The following BRD10 variants were observed in gnomAD, a reference collection of about 807,000 sequenced individuals.
The protein encoded by BRD10 is bromodomain containing 10.
chr9:6,005,379 C>A, the BRD10 span, among the ~76,000 whole-genome samples: 1 of 152,284 alleles, frequency 6.6e-6, no homozygotes, highest in East Asian at 1.9e-4. Context: ...GGCGCGGTGA[C>A]AACTAACCCC....
the BRD10 span, chr9:5,919,543 AACACACACACACACACACACAC>A: frequency 9.6e-4 from 383 of 396,972 alleles, 2 homozygotes; most frequent in Admixed American, 4.2e-4. Flanking sequence ...GATACATTAA[AACACACACACACACACACACAC>A]ACACACACAC....
chr9:5,968,112 G>A, the BRD10 span: 36 of 1,571,526 alleles, frequency 2.3e-5, no homozygotes, highest in Non-Finnish European at 3.0e-5. Flanking sequence ...AGAGAATGAA[G>A]ACCTTCACGC....
the BRD10 span, among the ~76,000 whole-genome samples, chr9:5,961,174 T>C: frequency 4.6e-5 from 7 of 152,150 alleles, no homozygotes; most frequent in African/African-American, 1.7e-4. Flanking sequence ...AAGAATGTTA[T>C]AGAATAGAGA....
chr9:5,979,862 A>C, the BRD10 span, among the ~76,000 whole-genome samples: 1 of 151,850 alleles, frequency 6.6e-6, no homozygotes, highest in Non-Finnish European at 1.5e-5. Flanking sequence ...CTAAAAATAC[A>C]AACATTAGCT....
chr9:5,894,888 G>A, the BRD10 span, among the ~76,000 whole-genome samples: 3 of 152,184 alleles, frequency 2.0e-5, no homozygotes, highest in Non-Finnish European at 2.9e-5. The surrounding 1 kb of genome is among the most constrained non-coding windows in gnomAD (Gnocchi z 4.0). Flanking sequence ...AGGGACAATG[G>A]CTTAATAAAG....
chr9:5,908,497 C>A, the BRD10 span: 1 of 726,876 alleles, frequency 1.4e-6, no homozygotes, highest in South Asian at 1.9e-5. Context: ...ACAATTACTT[C>A]ACTGGGCAGA....
chr9:5,943,169 G>A, the BRD10 span, among the ~76,000 whole-genome samples: 9 of 152,168 alleles, frequency 5.9e-5, no homozygotes, highest in Admixed American at 1.3e-4. Flanking sequence ...GAGCCACTAC[G>A]CCTGGCTGTG....
At chr9:5,914,970 G>C in the BRD10 span, among the ~76,000 whole-genome samples, 1 of 151,930 alleles carries the variant, frequency 6.6e-6, no homozygotes. Flanking sequence ...TTAATAAAGA[G>C]AACCCCGCCA....
chr9:5,911,270 G>A, the BRD10 span, among the ~76,000 whole-genome samples: 1 of 152,128 alleles, frequency 6.6e-6, no homozygotes, highest in Non-Finnish European at 1.5e-5. Context: ...CAGGTATCTA[G>A]TTTTTCCAGC....
At chr9:5,886,438 T>C in the BRD10 span, among the ~76,000 whole-genome samples, 2 of 152,248 alleles carry the variant, frequency 1.3e-5, no homozygotes, top group Non-Finnish European at 2.9e-5. Context: ...ACCAAGCACT[T>C]CCAACAGGAT....
the BRD10 span, among the ~76,000 whole-genome samples, chr9:5,979,581 G>A: frequency 2.0e-5 from 3 of 151,850 alleles, no homozygotes; most frequent in African/African-American, 7.3e-5. Flanking sequence ...AAGGAACAAT[G>A]AACAGATCTA....
At chr9:5,887,555 C>A in the BRD10 span, among the ~76,000 whole-genome samples, 2 of 152,214 alleles carry the variant, frequency 1.3e-5, no homozygotes, top group African/African-American at 4.8e-5. Flanking sequence ...TATTATAGAA[C>A]CCAGCTCAGT....
At chr9:5,909,412 C>G in the BRD10 span, 2 of 152,328 alleles carry the variant, frequency 1.3e-5, no homozygotes, top group Non-Finnish European at 1.5e-5. Flanking sequence ...GCGTGCGCCA[C>G]TATGCCTGAC....
At chr9:5,919,718 G>A in the BRD10 span, 16 of 1,611,870 alleles carry the variant, frequency 9.9e-6, no homozygotes, top group Middle Eastern at 1.6e-4. Context: ...CTCTAAGCCC[G>A]ACGACTGAAA....
At chr9:5,921,322 T>C in the BRD10 span, 1 of 1,613,986 alleles carries the variant, frequency 6.2e-7, no homozygotes, top group Non-Finnish European at 8.5e-7. Context: ...TTATTTTTAT[T>C]GGTGTGCCCA....
chr9:5,909,909 T>C, the BRD10 span: 1 of 152,288 alleles, frequency 6.6e-6, no homozygotes, highest in African/African-American at 2.4e-5. Flanking sequence ...ATTTATCTAA[T>C]ATTTCTCTTT....
the BRD10 span, among the ~76,000 whole-genome samples, chr9:5,930,431 T>C: frequency 6.0e-5 from 9 of 150,346 alleles, no homozygotes; most frequent in African/African-American, 2.2e-4. Context: ...TAGTCACATA[T>C]AAACCTGTGT....
chr9:5,972,008 C>A, the BRD10 span, among the ~76,000 whole-genome samples: 1 of 152,266 alleles, frequency 6.6e-6, no homozygotes, highest in African/African-American at 2.4e-5. Flanking sequence ...AGAAAAACAT[C>A]ACACTAAGAA....
chr9:5,949,634 A>G, the BRD10 span, among the ~76,000 whole-genome samples: 12 of 152,204 alleles, frequency 7.9e-5, no homozygotes, highest in Non-Finnish European at 1.6e-4. Flanking sequence ...GAGCAAGGGC[A>G]CACTGCATGG....
Sources: allele counts gnomAD v4.1 joint callset (sites outside exome capture counted in the v4.1 genomes callset), GRCh38; gene constraint gnomAD v4.1.1; non-coding constraint Gnocchi (gnomAD v3.1); transcripts MANE v1.5; gene names NCBI Gene and HGNC (gene_info 2026-07-23, HGNC 2026-07-21).